SLC39A14: variants seen among roughly 807,000 people sequenced by gnomAD.
SLC39A14 encodes solute carrier family 39 member 14, also known as metal cation symporter ZIP14.
A neutral mutation model predicts 45.5 loss-of-function variants in SLC39A14; 19 were observed. The observed-to-expected ratio is 0.42, with a 90% confidence interval of 0.29 to 0.61. SLC39A14 has a LOEUF of 0.61. Ranked by LOEUF, SLC39A14 falls within the 20% of genes least tolerant of loss-of-function variation. The pLI is 0.22. For missense variants in SLC39A14, 447 were observed against 616.5 expected (o/e 0.73, Z 2.91); for synonymous variants, 264 against 251.3 (o/e 1.05, Z -0.48).
rs1481957890 is a variant in SLC39A14 at position 22,420,168 on chromosome 8, A to G, written c.*470A>G. On this transcript the variant is annotated 3_prime_UTR_variant, in exon 9 of 9. Transcript: ENST00000381237. ...CCTCCAGCTGGCCAATAGAAGAGAC[A>G]GGAGACAGGAAGCCTTCCCATTTTT... is the stretch of plus-strand genomic sequence containing the variant. 5.1e-6 allele frequency: 5 copies of G among 986,144 alleles called. No homozygotes were observed. The highest frequency in any genetic ancestry group is 6.0e-6 in the Non-Finnish European group (5 of 830,564). The allele number at this position is 986,144 out of a possible 1,614,324, so 61.1% of individuals were successfully genotyped here. A position where few individuals can be genotyped will look rare whatever the true frequency, so the allele number is the denominator to read the frequency against.
Position 22,420,125 on chromosome 8 carries a change from C to G in SLC39A14, c.*427C>G, listed in dbSNP as rs909656616. On this transcript the variant is annotated 3_prime_UTR_variant, in exon 9 of 9. Transcript: ENST00000381237. Reference sequence around the variant, plus strand: ...AATCCATAGTGTGGGGCCCATGACTCTAGCTGGGCACCTTGGACCTCCAGC... The same window carrying G: ...AATCCATAGTGTGGGGCCCATGACTGTAGCTGGGCACCTTGGACCTCCAGC... 1.0e-6 allele frequency: 1 copy of G among 987,176 alleles called. No homozygotes were observed. Among genetic ancestry groups the G allele is most frequent in the African/African-American group, 1.7e-5 (1 of 57,318 alleles). The allele number at this position is 987,176 out of a possible 1,614,324, so 61.2% of individuals were successfully genotyped here.
At chr8:22,433,880 T>C (rs1836504718) in intron 8 of SLC39A14, 1 of 336,914 alleles carries the variant, frequency 3.0e-6, no homozygotes, top group Non-Finnish European at 6.0e-6. Flanking sequence ...TTTTTGTTTT[T>C]GTTTTTTTAG....
chr8:22,390,729 G>A (rs1834027079), intron 1 of SLC39A14: 1 of 151,870 alleles, frequency 6.6e-6, no homozygotes, highest in African/African-American at 2.4e-5. Flanking sequence ...TTTTTTAACA[G>A]GGTCTCGCTC....
chr8:22,389,140 C>G (rs183834350), intron 1 of SLC39A14, among the ~76,000 whole-genome samples: 2 of 152,154 alleles, frequency 1.3e-5, no homozygotes, highest in African/African-American at 2.4e-5. Flanking sequence ...AGACCGGTAG[C>G]CCTCCGACTT....
intron 1 of SLC39A14, among the ~76,000 whole-genome samples, chr8:22,385,547 C>T (rs1318963677): frequency 6.6e-6 from 1 of 152,146 alleles, no homozygotes; most frequent in Admixed American, 6.6e-5. Context: ...GGTGCAAAGG[C>T]TCTGAGGTCA....
At chr8:22,422,917 G>C (rs1488561553), downstream of SLC39A14, among the ~76,000 whole-genome samples, 8 of 152,026 alleles carry the variant, frequency 5.3e-5, no homozygotes, top group Middle Eastern at 3.2e-3. Context: ...TCCACCTCCT[G>C]GGTTCAAGCG....
intron 1 of SLC39A14, among the ~76,000 whole-genome samples, chr8:22,391,152 C>A (rs57210246): frequency 6.6e-6 from 1 of 152,048 alleles, no homozygotes; most frequent in African/African-American, 2.4e-5. Context: ...ATTTAATATC[C>A]TGTACAAAAC....
rs751887642 is a variant in SLC39A14, at chr8:22,421,323, G to A, written c.*1625G>A. 2.5e-5 allele frequency: 25 copies of A among 985,738 alleles called. No homozygotes were observed. Among genetic ancestry groups the A allele is most frequent in the Non-Finnish European group, 3.0e-5 (25 of 829,944 alleles). The allele number at this position is 985,738 out of a possible 1,614,324, so 61.1% of individuals were successfully genotyped here. On this transcript the variant is annotated 3_prime_UTR_variant, in exon 9 of 9. Transcript: ENST00000381237. Reference sequence around the variant, plus strand: ...TGTTTTCTCTTCTTGGGAGACATCTGTCAAACCAGGAATATTCTTGAAAAG... The same window carrying A: ...TGTTTTCTCTTCTTGGGAGACATCTATCAAACCAGGAATATTCTTGAAAAG...
At position 22,408,978 on chromosome 8, in the gene SLC39A14, GC is replaced by G. The variant is rs1835400487; in HGVS notation, c.457+485del. On this transcript the variant is annotated intron_variant, in intron 3 of 8. Transcript: ENST00000381237. ...TGGGACTACAGGCGTGCACCGCCAT[GC>G]CCAGCTAATTTTTAAATTTTTTGTA... 7.2e-5 allele frequency among the ~76,000 whole-genome samples: 11 copies of G among 152,114 alleles called. No individual in the cohort carries two copies. The South Asian group carries it at 2.3e-3, about 32-fold the overall frequency.
chr8:22,423,692 C>T (rs142213243), downstream of SLC39A14, among the ~76,000 whole-genome samples: 177 of 152,160 alleles, frequency 1.2e-3, 1 homozygote, highest in African/African-American at 4.2e-3. Flanking sequence ...TCTCAGAACT[C>T]CTGACCTCAG....
intron 1 of SLC39A14, among the ~76,000 whole-genome samples, chr8:22,372,009 C>T (rs946231373): frequency 1.2e-4 from 18 of 152,122 alleles, no homozygotes; most frequent in African/African-American, 4.3e-4. Flanking sequence ...TCCCAAAGTG[C>T]TGGGATTACA....
rs1316783250 is a variant in SLC39A14 at position 22,422,352 on chromosome 8, T to C, written c.*2654T>C. The C allele has an allele frequency of 5.1e-6, 5 of 985,750 alleles. No individual in the cohort carries two copies. The highest frequency in any genetic ancestry group is 6.0e-6 in the Non-Finnish European group (5 of 829,962). 61.1% of individuals were successfully genotyped at this position (985,750 alleles called of 1,614,324 possible). ...AAGGTATTTTGTGTCTAGTGTCAAATTGGAGCTATTCTTCACTGGTCCTTA... is the reference window on the plus strand; with the variant it reads ...AAGGTATTTTGTGTCTAGTGTCAAACTGGAGCTATTCTTCACTGGTCCTTA... On this transcript the variant is annotated 3_prime_UTR_variant, in exon 9 of 9. Transcript: ENST00000381237.
intron 1 of SLC39A14, among the ~76,000 whole-genome samples, chr8:22,381,459 A>G (rs1833508335): frequency 6.6e-6 from 1 of 150,506 alleles, no homozygotes; most frequent in East Asian, 2.0e-4. Context: ...TTTAGTAGAG[A>G]TGGGGTTTCA....
chr8:22,373,934 A>G (rs1470754842), intron 1 of SLC39A14, among the ~76,000 whole-genome samples: 1 of 151,838 alleles, frequency 6.6e-6, no homozygotes, highest in Non-Finnish European at 1.5e-5. Context: ...AATTTTTTGT[A>G]TTTTTAGTGG....
At chr8:22,411,205 G>T (rs1433582254) in intron 3 of SLC39A14, among the ~76,000 whole-genome samples, 1 of 152,224 alleles carries the variant, frequency 6.6e-6, no homozygotes, top group African/African-American at 2.4e-5. Context: ...GTAATTGTGT[G>T]TGCTCCACCC....
At chr8:22,387,528 C>A (rs1325767861) in intron 1 of SLC39A14, among the ~76,000 whole-genome samples, 1 of 152,202 alleles carries the variant, frequency 6.6e-6, no homozygotes, top group Admixed American at 6.5e-5. Flanking sequence ...AGTGGAAATA[C>A]ATAAGTGGTT....
Position 22,421,491 on chromosome 8 carries a change from C to T in SLC39A14, c.*1793C>T, listed in dbSNP as rs1057314787. 1 of 964,634 alleles carries T rather than the reference C, an allele frequency of 1.0e-6. No individual in the cohort carries two copies. Among genetic ancestry groups the T allele is most frequent in the Admixed American group, 7.4e-5 (1 of 13,562 alleles). 59.8% of individuals were successfully genotyped at this position (964,634 alleles called of 1,614,324 possible). A position where few individuals can be genotyped will look rare whatever the true frequency, so the allele number is the denominator to read the frequency against. The stretch of plus-strand genomic sequence containing the variant: ...CTAGATTAAATATCAGGACTGATTT[C>T]CTGGTGGGATTATGGTCCAGTTTTA... On this transcript the variant is annotated 3_prime_UTR_variant, in exon 9 of 9. Coordinates refer to ENST00000381237, the MANE Select transcript of SLC39A14 (RefSeq NM_001128431.4).
intron 1 of SLC39A14, among the ~76,000 whole-genome samples, chr8:22,372,676 AT>A (rs1832998694): frequency 6.6e-6 from 1 of 152,028 alleles, no homozygotes; most frequent in Non-Finnish European, 1.5e-5. Flanking sequence ...GCTTTTTATT[AT>A]TTTTCCATTT....
chr8:22,379,745 A>G (rs1446512684), intron 1 of SLC39A14, among the ~76,000 whole-genome samples: 2 of 152,150 alleles, frequency 1.3e-5, no homozygotes, highest in East Asian at 1.9e-4. Flanking sequence ...CCCGGCCAAC[A>G]TGGTGAAACC....
Sources: allele counts gnomAD v4.1 joint callset (sites outside exome capture counted in the v4.1 genomes callset), GRCh38; gene constraint gnomAD v4.1.1; transcripts MANE v1.5; gene names NCBI Gene and HGNC (gene_info 2026-07-23, HGNC 2026-07-21).